The following SLC2A13 variants were observed in gnomAD, a reference collection of about 807,000 sequenced individuals.
The protein encoded by SLC2A13 is solute carrier family 2 member 13, also known as proton myo-inositol cotransporter.
SLC2A13 carries 32 observed loss-of-function variants against 64.4 expected under a neutral mutation model. That is an observed-to-expected ratio of 0.50 (90% CI 0.37 to 0.67). The LOEUF is 0.67. Among genes scored for constraint, SLC2A13 ranks in the 30% least tolerant of loss-of-function variants. The pLI, the probability that SLC2A13 is intolerant of heterozygous loss-of-function variation, is 0.00. For synonymous variants in SLC2A13, 338 were observed against 327.1 expected (o/e 1.03, Z -0.36); for missense variants, 743 against 829.2 (o/e 0.90, Z 1.28).
At chr12:40,077,611 C>T (rs982161319) in intron 1 of SLC2A13, among the ~76,000 whole-genome samples, 1 of 152,084 alleles carries the variant, frequency 6.6e-6, no homozygotes, top group Non-Finnish European at 1.5e-5. Flanking sequence ...GTTCTTTTAG[C>T]TTAGGATGGT....
Position 40,028,364 on chromosome 12 carries a change from T to C in SLC2A13, c.862A>G (p.Ile288Val). 2.5e-6 allele frequency: 4 copies of C among 1,614,104 alleles called. No homozygotes were observed. The highest frequency in any genetic ancestry group is 3.4e-6 in the Non-Finnish European group (4 of 1,179,990). Residue 288 changes from isoleucine (I) to valine (V), a missense_variant, in exon 3 of 10, where the codon ATT (isoleucine) becomes GTT (valine). By Grantham distance (29) the Ile-to-Val change is conservative. Coordinates refer to ENST00000280871, the MANE Select transcript of SLC2A13 (RefSeq NM_052885.4). ...ILSQMRGNQT[I>V]DEEYDSIKNN... is the part of the protein sequence containing the mutation. ...TTGATGCTATCATATTCCTCATCAA[T>C]GGTCTGGTTACCACGCATCTGAGAT...
intron 6 of SLC2A13, among the ~76,000 whole-genome samples, chr12:39,842,523 T>C (rs1450422499): frequency 1.3e-5 from 2 of 152,078 alleles, no homozygotes; most frequent in Admixed American, 1.3e-4. Flanking sequence ...GAAGATACAG[T>C]AGGAGGCAAT....
At chr12:39,974,739 C>T (rs913210153) in intron 3 of SLC2A13, among the ~76,000 whole-genome samples, 1 of 152,172 alleles carries the variant, frequency 6.6e-6, no homozygotes, top group Admixed American at 6.5e-5. Context: ...ATGAATATCA[C>T]TGAATACCAT....
intron 4 of SLC2A13, among the ~76,000 whole-genome samples, chr12:39,884,691 G>A (rs1944428541): frequency 6.6e-6 from 1 of 152,158 alleles, no homozygotes; most frequent in Non-Finnish European, 1.5e-5. Flanking sequence ...GGTGGGCTGA[G>A]TTCTATGACA....
intron 3 of SLC2A13, among the ~76,000 whole-genome samples, chr12:39,978,690 G>A (rs28370740): frequency 6.0e-4 from 91 of 152,194 alleles, no homozygotes; most frequent in Admixed American, 2.3e-3. Context: ...GGAATCTCGC[G>A]GATTGCTAGC....
At chr12:39,892,669 T>A (rs1246351260) in intron 4 of SLC2A13, among the ~76,000 whole-genome samples, 1 of 152,174 alleles carries the variant, frequency 6.6e-6, no homozygotes, top group Non-Finnish European at 1.5e-5. Flanking sequence ...TTAATAAATA[T>A]AAATAGTAGC....
At chr12:39,905,490 T>G (rs1000889093) in intron 4 of SLC2A13, among the ~76,000 whole-genome samples, 1 of 152,132 alleles carries the variant, frequency 6.6e-6, no homozygotes, top group Non-Finnish European at 1.5e-5. Flanking sequence ...AGTTGCTTCA[T>G]TTTGTGGCAT....
chr12:39,905,258 C>A lies in SLC2A13; in HGVS notation c.1035-33297G>T, dbSNP rs567335862. Among the ~76,000 whole-genome samples the A allele has an allele frequency of 1.8e-4, 27 of 152,016 alleles. No individual in the cohort carries two copies. In the South Asian group the frequency reaches 5.6e-3, roughly 32 times the overall value. On this transcript the variant is annotated intron_variant, in intron 4 of 9. Transcript: ENST00000280871. ...GCTAGAAAATCTACCTAGAACACAC[C>A]CTGCATTCATCATCTCTGTCTTGCT...
At chr12:39,990,714 G>T (rs1212473019) in intron 3 of SLC2A13, among the ~76,000 whole-genome samples, 1 of 152,184 alleles carries the variant, frequency 6.6e-6, no homozygotes, top group Non-Finnish European at 1.5e-5. Context: ...CCTAGTGGCA[G>T]CTGTGCTTGG....
At chr12:39,810,551 GT>G (rs1440702659) in intron 7 of SLC2A13, among the ~76,000 whole-genome samples, 2 of 152,012 alleles carry the variant, frequency 1.3e-5, no homozygotes, top group Non-Finnish European at 2.9e-5. Flanking sequence ...TTCTCACCTA[GT>G]TTTCAATTTT....
intron 5 of SLC2A13, among the ~76,000 whole-genome samples, chr12:39,866,110 G>A (rs1426637203): frequency 6.6e-6 from 1 of 152,204 alleles, no homozygotes; most frequent in Non-Finnish European, 1.5e-5. Flanking sequence ...GAATTTAGGA[G>A]GGCAGTTTAG....
At chr12:39,777,287 A>G (rs1330145922) in intron 7 of SLC2A13, among the ~76,000 whole-genome samples, 3 of 152,238 alleles carry the variant, frequency 2.0e-5, no homozygotes, top group African/African-American at 4.8e-5. Flanking sequence ...TAATAGCAAC[A>G]AACTCAGGAT....
chr12:39,900,175 T>G (rs1329960898), intron 4 of SLC2A13, among the ~76,000 whole-genome samples: 1 of 152,140 alleles, frequency 6.6e-6, no homozygotes, highest in South Asian at 2.1e-4. Flanking sequence ...AAATTAGGTA[T>G]TGATGGGACG....
chr12:39,899,502 T>C (rs1289501917), intron 4 of SLC2A13, among the ~76,000 whole-genome samples: 1 of 151,432 alleles, frequency 6.6e-6, no homozygotes, highest in Non-Finnish European at 1.5e-5. Context: ...CTGATTTTAG[T>C]TATTTCTTGC....
At chr12:39,996,044 A>C (rs1947223824) in intron 3 of SLC2A13, among the ~76,000 whole-genome samples, 1 of 152,242 alleles carries the variant, frequency 6.6e-6, no homozygotes, top group Admixed American at 6.5e-5. Context: ...TGCTGAAAAC[A>C]TACCAGTTGG....
chr12:40,106,035 TC>T lies in SLC2A13; in HGVS notation c.-228del. 2.3e-6 allele frequency: 1 copy of T among 426,406 alleles called. No homozygotes were observed. The highest frequency in any genetic ancestry group is 3.9e-6 in the Non-Finnish European group (1 of 255,878). The allele number at this position is 426,406 out of a possible 1,614,324, so 26.4% of individuals were successfully genotyped here. A position where few individuals can be genotyped will look rare whatever the true frequency, so the allele number is the denominator to read the frequency against. On this transcript the variant is annotated 5_prime_UTR_variant, in exon 1 of 10. Transcript: ENST00000280871. ...GGAGTTGGAGCCCGGCGGGTCTCAC[TC>T]CACACTCACGCCCCGCGCCTGCCGA...
chr12:39,792,173 T>C (rs1408323216), intron 7 of SLC2A13, among the ~76,000 whole-genome samples: 7 of 83,326 alleles, frequency 8.4e-5, no homozygotes, highest in South Asian at 5.2e-4. Context: ...GCTAGCCATA[T>C]GTAGAAAGCT....
chr12:40,078,450 C>T (rs1938265600), intron 1 of SLC2A13, among the ~76,000 whole-genome samples: 1 of 152,014 alleles, frequency 6.6e-6, no homozygotes, highest in African/African-American at 2.4e-5. Context: ...CATAGATTTC[C>T]ATATGTTGAA....
intron 1 of SLC2A13, among the ~76,000 whole-genome samples, chr12:40,077,948 G>A (rs568857778): frequency 2.6e-4 from 40 of 151,650 alleles, no homozygotes; most frequent in African/African-American, 7.8e-4. Context: ...TTTGGCTCTC[G>A]GCTTCAACGT....
Sources: gnomAD v4.1 joint callset for allele counts (sites outside exome capture counted in the v4.1 genomes callset) on GRCh38, gnomAD v4.1.1 for gene constraint, MANE v1.5 for transcripts, NCBI Gene and HGNC (gene_info 2026-07-23, HGNC 2026-07-21) for gene names.